The following KLC1 variants were observed in gnomAD, a reference collection of about 807,000 sequenced individuals.
KLC1 encodes the protein kinesin 2 60/70kDa.
A neutral mutation model predicts 84.2 loss-of-function variants in KLC1; 30 were observed. That is an observed-to-expected ratio of 0.36 (90% CI 0.27 to 0.48). The LOEUF is 0.48. Ranked by LOEUF, KLC1 falls within the 20% of genes least tolerant of loss-of-function variation. The pLI is 0.99. For missense variants in KLC1, 499 were observed against 805.4 expected, an observed-to-expected ratio of 0.62 and a Z score of 4.60; for synonymous variants, 289 against 293.3, an observed-to-expected ratio of 0.99 and a Z score of 0.15.
intron 2 of KLC1, among the ~76,000 whole-genome samples, chr14:103,657,200 G>A (rs1476518711): frequency 6.6e-6 from 1 of 151,752 alleles, no homozygotes; most frequent in African/African-American, 2.4e-5. Context: ...CATGGGAAAG[G>A]GTCTATAAAA....
At chr14:103,669,643 C>T (rs997458126) in intron 6 of KLC1, 45 bp downstream of exon 6, 2 of 1,266,010 alleles carry the variant, frequency 1.6e-6, no homozygotes, top group African/African-American at 1.5e-5. Context: ...TTTATTTTCC[C>T]CATATATTTC....
At chr14:103,697,963 G>A (rs752549180) in intron 15 of KLC1, 27 of 152,464 alleles carry the variant, frequency 1.8e-4, no homozygotes, top group South Asian at 2.1e-4. Flanking sequence ...TGAGCTGGAC[G>A]CCCAGACCCC....
At chr14:103,684,835 G>A (rs1052954635) in intron 13 of KLC1, 3 of 645,066 alleles carry the variant, frequency 4.7e-6, no homozygotes, top group Non-Finnish European at 8.7e-6. Flanking sequence ...GTAGCGCTGA[G>A]TTTTGAAATG....
chr14:103,645,857 A>G (rs1359776240), intron 1 of KLC1, among the ~76,000 whole-genome samples: 1 of 151,116 alleles, frequency 6.6e-6, no homozygotes, highest in Non-Finnish European at 1.5e-5. Context: ...TTCTGGGTTC[A>G]TGCCATTCTT....
intron 1 of KLC1, among the ~76,000 whole-genome samples, chr14:103,635,716 G>A (rs142444814): frequency 0.017 from 2,579 of 151,922 alleles, 64 homozygotes; most frequent in African/African-American, 0.055. Context: ...TCGAGCCACG[G>A]CACTCCAGCC....
chr14:103,659,204 A>G (rs1352182024), intron 3 of KLC1, among the ~76,000 whole-genome samples: 2 of 151,890 alleles, frequency 1.3e-5, no homozygotes, highest in East Asian at 1.9e-4. Context: ...ACCTCAGGTC[A>G]TCCCCCCGCC....
At chr14:103,668,545 T>A (rs987558337) in intron 5 of KLC1, among the ~76,000 whole-genome samples, 1 of 152,196 alleles carries the variant, frequency 6.6e-6, no homozygotes, top group Non-Finnish European at 1.5e-5. Flanking sequence ...TGGCGCGATC[T>A]ATGCTCACTG....
intron 1 of KLC1, among the ~76,000 whole-genome samples, chr14:103,640,350 G>T (rs545101610): frequency 3.3e-5 from 5 of 152,018 alleles, no homozygotes; most frequent in Non-Finnish European, 5.9e-5. Flanking sequence ...ATGAGCCACT[G>T]CCCCTGGCCT....
At chr14:103,685,201 G>C (rs111382710) in intron 13 of KLC1, 6 of 1,426,626 alleles carry the variant, frequency 4.2e-6, no homozygotes, top group African/African-American at 1.4e-5. Context: ...TTTAAAGTCC[G>C]TGGTTTCCTA....
Position 103,669,495 on chromosome 14 carries a change from G to A in KLC1, c.798-16G>A, listed in dbSNP as rs759070054. 4.2e-6 allele frequency: 6 copies of A among 1,444,624 alleles called. No homozygotes were observed. In the South Asian group the frequency reaches 4.6e-5, roughly 11 times the overall value. 89.5% of individuals were successfully genotyped at this position (1,444,624 alleles called of 1,614,324 possible). ...GATCTACATCTGAAACACTTAATGT[G>A]TGTTTTTCCATTTAGGGATCAGAAT... On this transcript the variant is annotated splice_polypyrimidine_tract_variant and intron_variant, in intron 5 of 16. Coordinates refer to ENST00000334553, the MANE Select transcript of KLC1 (RefSeq NM_001394837.1).
chr14:103,649,759 C>G (rs985467855), intron 1 of KLC1, among the ~76,000 whole-genome samples: 5 of 151,440 alleles, frequency 3.3e-5, no homozygotes, highest in African/African-American at 1.2e-4. Flanking sequence ...GCAGTGGCGC[C>G]ATCTCGGCTC....
intron 1 of KLC1, among the ~76,000 whole-genome samples, chr14:103,648,755 C>G (rs979225904): frequency 2.0e-5 from 3 of 151,942 alleles, no homozygotes; most frequent in African/African-American, 7.2e-5. Flanking sequence ...GAGCCAAGAT[C>G]ATGCCACTGC....
intron 5 of KLC1, 41 bp downstream of exon 5, chr14:103,662,968 C>T (rs772433678): frequency 1.5e-5 from 21 of 1,402,354 alleles, no homozygotes; most frequent in Non-Finnish European, 6.9e-6. Flanking sequence ...TACCTAGAGA[C>T]AATGTTTTTA....
intron 14 of KLC1, among the ~76,000 whole-genome samples, chr14:103,691,510 G>A (rs1238346523): frequency 3.2e-5 from 4 of 124,558 alleles, no homozygotes; most frequent in Non-Finnish European, 4.8e-5. Context: ...TCACTCTTGC[G>A]TAGGCTGGAG....
At chr14:103,676,919 T>C (rs530075183) in intron 11 of KLC1, among the ~76,000 whole-genome samples, 10 of 152,338 alleles carry the variant, frequency 6.6e-5, no homozygotes, top group Admixed American at 1.3e-4. Context: ...GCTTATTGCT[T>C]CCCTGGTACA....
chr14:103,638,833 CAT>C (rs1246849975), intron 1 of KLC1, among the ~76,000 whole-genome samples: 2 of 151,014 alleles, frequency 1.3e-5, no homozygotes, highest in Non-Finnish European at 2.9e-5. Flanking sequence ...TATGTATGAA[CAT>C]AGGGGTGTGT....
chr14:103,699,475 A>G lies in KLC1; in HGVS notation c.1849-1180A>G, dbSNP rs2082921397. On this transcript the variant is annotated intron_variant, in intron 15 of 16. Transcript: ENST00000334553. ...GGGCGGAGGCCTGGCTGTCAAATTC[A>G]CAGCGGAATGGGGCTGCCACCGAGT... 4 of 1,612,248 alleles carry G rather than the reference A, an allele frequency of 2.5e-6. No homozygotes were observed. In the East Asian group the frequency reaches 8.9e-5, roughly 36 times the overall value.
chr14:103,682,129 G>C (rs2081393376), intron 13 of KLC1, among the ~76,000 whole-genome samples: 1 of 152,092 alleles, frequency 6.6e-6, no homozygotes, highest in Non-Finnish European at 1.5e-5. Context: ...CCAGCACTTT[G>C]TGAAGCTGAG....
At chr14:103,654,931 A>G in intron 2 of KLC1, 106 bp downstream of exon 2, 3 of 1,315,680 alleles carry the variant, frequency 2.3e-6, no homozygotes, top group Non-Finnish European at 3.1e-6. Flanking sequence ...TGATTATAGA[A>G]TAACAGATCC....
Sources: allele counts gnomAD v4.1 joint callset (sites outside exome capture counted in the v4.1 genomes callset), GRCh38; gene constraint gnomAD v4.1.1; transcripts MANE v1.5; gene names NCBI Gene and HGNC (gene_info 2026-07-23, HGNC 2026-07-21).